The following TKFC variants were observed in gnomAD, a reference collection of about 807,000 sequenced individuals.
TKFC encodes triokinase and FMN cyclase, also known as triokinase/FMN cyclase.
A neutral mutation model predicts 61.0 loss-of-function variants in TKFC; 46 were observed. The ratio of observed to expected loss-of-function variants is 0.75; its 90% CI spans 0.60 to 0.96. The LOEUF (loss-of-function observed/expected upper bound fraction) is 0.96. Among genes scored for constraint, TKFC ranks in the 50% least tolerant of loss-of-function variants. The pLI is 0.00. For missense variants in TKFC, 715 were observed against 777.5 expected (o/e 0.92, Z 0.96); for synonymous variants, 314 against 330.1 (o/e 0.95, Z 0.53).
chr11:61,343,703 A>T, intron 11 of TKFC, 153 bp from the exon 12 acceptor site: 1 of 1,176,632 alleles, frequency 8.5e-7, no homozygotes, highest in Non-Finnish European at 1.2e-6. Flanking sequence ...CCCTGTATAC[A>T]GTAGGCACTC....
chr11:61,352,392 T>C (rs1202558287), downstream of TKFC: 2 of 153,828 alleles, frequency 1.3e-5, no homozygotes, highest in African/African-American at 2.4e-5. Context: ...CCGGGTGCAG[T>C]GGCTCATGCC....
At chr11:61,352,074 T>A (rs1247312730), downstream of TKFC, 1 of 152,152 alleles carries the variant, frequency 6.6e-6, no homozygotes, top group African/African-American at 2.4e-5. Context: ...CTCAAAGCAA[T>A]GAAATTAACT....
Position 61,345,289 on chromosome 11 carries a change from C to G in TKFC, c.1270C>G (p.Pro424Ala). The G allele has an allele frequency of 9.4e-6, 15 of 1,593,526 alleles. No homozygotes were observed. Among genetic ancestry groups the G allele is most frequent in the Non-Finnish European group, 1.3e-5 (15 of 1,167,650 alleles). ...CCAGGAGTGGCTGAAGGAGGGCCCACCCCCTGCCAGCCCTGCCCAGCTGCT... is the reference window on the plus strand; with the variant it reads ...CCAGGAGTGGCTGAAGGAGGGCCCAGCCCCTGCCAGCCCTGCCCAGCTGCT... ...AIQEWLKEGPPPASPAQLLSK... is the reference protein window; with the variant it reads ...AIQEWLKEGPAPASPAQLLSK... The change falls in exon 14 of 18, where the codon CCC becomes GCC. Residue 424 changes from proline to alanine, a missense_variant. Coordinates refer to ENST00000394900, the MANE Select transcript of TKFC (RefSeq NM_015533.4).
chr11:61,350,996 T>C, downstream of TKFC: 1 of 1,613,408 alleles, frequency 6.2e-7, no homozygotes, highest in South Asian at 1.1e-5. Context: ...CATACCTGTC[T>C]GTCGGTCAGG....
rs1425510540 is a variant in TKFC, at chr11:61,341,363, C to T, written c.487-73C>T. 3.3e-6 allele frequency: 5 copies of T among 1,504,448 alleles called. No homozygotes were observed. In the Admixed American group the frequency reaches 5.9e-5, roughly 18 times the overall value. 93.2% of individuals were successfully genotyped at this position (1,504,448 alleles called of 1,614,324 possible). ...CCCCTTCCCAACAAGAAATTCATCC[C>T]CTGCCTGTCTTCTACCCCACATGGT... On this transcript the variant is annotated intron_variant, in intron 5 of 17. Transcript: ENST00000394900.
At chr11:61,351,150 G>A (rs757328884), downstream of TKFC, 6 of 1,605,750 alleles carry the variant, frequency 3.7e-6, no homozygotes, top group South Asian at 1.1e-5. Flanking sequence ...TGTTTTTCCT[G>A]AAGATGACAA....
chr11:61,349,946 T>C, downstream of TKFC: 1 of 484,152 alleles, frequency 2.1e-6, no homozygotes, highest in Non-Finnish European at 3.8e-6. Context: ...GTCCCAGCTC[T>C]TCACCACATC....
downstream of TKFC, chr11:61,351,724 T>G (rs2135104942): frequency 6.6e-6 from 1 of 152,322 alleles, no homozygotes; most frequent in Non-Finnish European, 1.5e-5. Context: ...GAGACTAGCC[T>G]GTGCAACATA....
intron 13 of TKFC, among the ~76,000 whole-genome samples, chr11:61,344,710 G>C (rs1857033083): frequency 6.6e-6 from 1 of 152,224 alleles, no homozygotes; most frequent in Non-Finnish European, 1.5e-5. Context: ...TGTTATCTTA[G>C]AATTAAATGA....
rs1456862545 is a variant in TKFC, at chr11:61,341,804, C to T, written c.566-19C>T. On this transcript the variant is annotated intron_variant, in intron 6 of 17. Coordinates refer to ENST00000394900, the MANE Select transcript of TKFC (RefSeq NM_015533.4). ...GCTAAGAGTGGAACAGTCATCCCTT[C>T]ATGCCTTGTTTCTCATAGGTACCCT... The T allele has an allele frequency of 6.2e-7, 1 of 1,608,778 alleles. No individual in the cohort carries two copies. The highest frequency in any genetic ancestry group is 2.2e-5 in the East Asian group (1 of 44,852).
Position 61,334,658 on chromosome 11 carries a change from C to A in TKFC, c.-71C>A. 6.2e-7 allele frequency: 1 copy of A among 1,608,488 alleles called. No homozygotes were observed. The highest frequency in any genetic ancestry group is 8.5e-7 in the Non-Finnish European group (1 of 1,175,726). On this transcript the variant is annotated 5_prime_UTR_variant, in exon 2 of 18. Coordinates refer to ENST00000394900, the MANE Select transcript of TKFC (RefSeq NM_015533.4). ...CTCCACTGTACTCAGACCCAGGTAG[C>A]ACAGGATTGTCCATCCTCCAGCAGC...
At chr11:61,336,626 TC>T (rs1856617016) in intron 2 of TKFC, among the ~76,000 whole-genome samples, 1 of 152,212 alleles carries the variant, frequency 6.6e-6, no homozygotes, top group Non-Finnish European at 1.5e-5. Context: ...TGATGTATCT[TC>T]CCTGAGTTCC....
chr11:61,349,244 G>A, downstream of TKFC: 1 of 381,072 alleles, frequency 2.6e-6, no homozygotes, highest in Non-Finnish European at 5.0e-6. Flanking sequence ...CAGAACGCTA[G>A]GTTGGGCCAG....
chr11:61,349,502 G>C (rs1444170324), downstream of TKFC: 12 of 701,650 alleles, frequency 1.7e-5, no homozygotes, highest in East Asian at 3.2e-4. Context: ...AGCCACCTCT[G>C]TTACTCATCG....
chr11:61,337,949 G>C lies in TKFC; in HGVS notation c.12G>C (p.Lys4Asn). MTSKKLVNSVAGCA... is the reference protein window; with the variant it reads MTSNKLVNSVAGCA... ...TCACTCCTCCCTTGCAGACCTCCAA[G>C]AAGCTGGTGAACTCGGTGGCTGGCT... is the stretch of plus-strand genomic sequence containing the variant. The change falls in exon 3 of 18, where the codon AAG becomes AAC. Residue 4 changes from lysine to asparagine, a missense_variant. Physicochemically the swap from Lys to Asn is moderately conservative, Grantham distance 94. Coordinates refer to ENST00000394900, the MANE Select transcript of TKFC (RefSeq NM_015533.4). The C allele has an allele frequency of 6.2e-7, 1 of 1,606,634 alleles. No individual in the cohort carries two copies. The highest frequency in any genetic ancestry group is 8.5e-7 in the Non-Finnish European group (1 of 1,177,004).
At position 61,345,551 on chromosome 11, in the gene TKFC, G is replaced by A. The variant is rs1205301220; in HGVS notation, c.1437G>A (p.Leu479=). 1.9e-6 allele frequency: 3 copies of A among 1,613,118 alleles called. No individual in the cohort carries two copies. The highest frequency in any genetic ancestry group is 3.3e-5 in the Admixed American group (2 of 60,026). Residue 479 remains leucine, a synonymous_variant, in exon 15 of 18, where the codon CTG becomes CTA. Transcript: ENST00000394900. ...GGTCTGCTGCCATGGATGCCGGCCT[G>A]GAAGCCATGCAGAAGTGAGCCAGAG... The part of the protein sequence containing the change: ...PAWSAAMDAG[L]EAMQKYGKAA...
At chr11:61,341,147 A>G (rs942800795) in intron 5 of TKFC, among the ~76,000 whole-genome samples, 1 of 152,068 alleles carries the variant, frequency 6.6e-6, no homozygotes, top group Non-Finnish European at 1.5e-5. Flanking sequence ...GAAACTGGCC[A>G]CCCACTGGCT....
chr11:61,337,581 T>C (rs555418855), intron 2 of TKFC, among the ~76,000 whole-genome samples: 1 of 152,326 alleles, frequency 6.6e-6, no homozygotes, highest in South Asian at 2.1e-4. Context: ...CATAGGAGCC[T>C]CAGCCTGAGG....
Position 61,343,851 on chromosome 11 carries a change from C to G in TKFC, c.983-5C>G. On this transcript the variant is annotated splice_region_variant and splice_polypyrimidine_tract_variant and intron_variant, in intron 11 of 17. Coordinates refer to ENST00000394900, the MANE Select transcript of TKFC (RefSeq NM_015533.4). ...TGTCTAAGAGAGTTATCTTGCTGCC[C>G]TTAGATGCTGAAACCACTGCAGCAG... 6.2e-7 allele frequency: 1 copy of G among 1,607,298 alleles called. No homozygotes were observed. Among genetic ancestry groups the G allele is most frequent in the Non-Finnish European group, 8.5e-7 (1 of 1,179,206 alleles).
Sources: allele counts gnomAD v4.1 joint callset (sites outside exome capture counted in the v4.1 genomes callset), GRCh38; gene constraint gnomAD v4.1.1; transcripts MANE v1.5; gene names NCBI Gene and HGNC (gene_info 2026-07-23, HGNC 2026-07-21).